NEURL1B: variants seen among roughly 807,000 people sequenced by gnomAD.
NEURL1B encodes E3 ubiquitin-protein ligase NEURL1B.
In NEURL1B, 13 loss-of-function variants were observed where a neutral mutation model predicts 37.4. The ratio of observed to expected loss-of-function variants is 0.35; its 90% CI spans 0.23 to 0.55. NEURL1B has a LOEUF of 0.55. NEURL1B is among the 20% of genes least tolerant of loss of function. NEURL1B has a pLI of 0.89. For synonymous variants in NEURL1B, 432 were observed against 426.6 expected, an observed-to-expected ratio of 1.01 and a Z score of -0.16; for missense variants, 790 against 879.2, an observed-to-expected ratio of 0.90 and a Z score of 1.28.
chr5:172,669,927 G>C lies in NEURL1B; in HGVS notation c.174G>C (p.Arg58=), dbSNP rs777441731. 1 of 1,454,128 alleles carries C rather than the reference G, an allele frequency of 6.9e-7. No homozygotes were observed. Among genetic ancestry groups the C allele is most frequent in the African/African-American group, 1.5e-5 (1 of 66,838 alleles). The allele number at this position is 1,454,128 out of a possible 1,614,324, so 90.1% of individuals were successfully genotyped here. ...KNVRLDGHSR[R]ATRRNSFCNG... is the part of the protein sequence containing the mutation. ...TGCGGCTGGACGGCCACTCGCGCCG[G>C]GCCACACGGCGCAACAGCTTCTGCA... Residue 58 remains arginine (R), a synonymous_variant, in exon 2 of 5, where the codon CGG becomes CGC. Transcript: ENST00000369800.
At chr5:172,674,202 T>A (rs182576398) in intron 2 of NEURL1B, among the ~76,000 whole-genome samples, 8 of 152,180 alleles carry the variant, frequency 5.3e-5, no homozygotes, top group South Asian at 2.1e-4. Context: ...CATCTGGCAA[T>A]CCTTGTCTAA....
chr5:172,662,471 G>A (rs1471157674), intron 1 of NEURL1B, among the ~76,000 whole-genome samples: 2 of 152,226 alleles, frequency 1.3e-5, no homozygotes, highest in Admixed American at 6.5e-5. Context: ...ATGGGGAAGG[G>A]AAGGGAATAG....
chr5:172,683,857 C>T lies in NEURL1B; in HGVS notation c.1016C>T (p.Ala339Val). ...RPGLAAPGAL[A>V]FGITSCDPGV... ...GGGCTGGCGGCGCCCGGCGCGCTGG[C>T]CTTCGGCATCACGTCGTGCGACCCG... is the stretch of plus-strand genomic sequence containing the variant. The change falls in exon 3 of 5, where the codon GCC becomes GTC. Residue 339 changes from alanine (A) to valine (V), a missense_variant. Physicochemically the swap from Ala to Val is moderately conservative, Grantham distance 64 (BLOSUM62 0). Around this residue, in one of 3 missense-constraint regions of NEURL1B, gnomAD observed 460 missense variants for 407.4 expected, o/e 1.13. Coordinates refer to ENST00000369800, the MANE Select transcript of NEURL1B (RefSeq NM_001142651.3). The surrounding 1 kb of genome is among the most constrained non-coding windows in gnomAD (Gnocchi z 5.6). 1 of 1,367,476 alleles carries T rather than the reference C, an allele frequency of 7.3e-7. No individual in the cohort carries two copies. The highest frequency in any genetic ancestry group is 9.5e-7 in the Non-Finnish European group (1 of 1,055,894). The allele number at this position is 1,367,476 out of a possible 1,614,324, so 84.7% of individuals were successfully genotyped here. A position where few individuals can be genotyped will look rare whatever the true frequency, so the allele number is the denominator to read the frequency against.
intron 1 of NEURL1B, chr5:172,656,692 T>C: frequency 6.9e-7 from 1 of 1,457,542 alleles, no homozygotes; most frequent in East Asian, 2.3e-5. Context: ...GGCTTCTTCT[T>C]GCCACCTTCG....
intron 3 of NEURL1B, among the ~76,000 whole-genome samples, chr5:172,685,317 G>GT (rs1009319742): frequency 1.3e-5 from 2 of 152,256 alleles, no homozygotes; most frequent in African/African-American, 4.8e-5. Context: ...TGGTCAGAGT[G>GT]TTTTTTGGGG....
chr5:172,684,115 T>A lies in NEURL1B; in HGVS notation c.1274T>A (p.Val425Asp). Residue 425 changes from valine to aspartate, a missense_variant, in exon 3 of 5, where the codon GTC becomes GAC. This residue lies in a region of NEURL1B where 460 missense variants were observed against 407.4 expected (regional missense o/e 1.13). Coordinates refer to ENST00000369800, the MANE Select transcript of NEURL1B (RefSeq NM_001142651.3). Reference protein sequence around the residue: ...LWAFFAVRGGVAGQLRLLGTL... With the variant: ...LWAFFAVRGGDAGQLRLLGTL... ...GCCTTCTTCGCCGTGCGCGGCGGCG[T>A]CGCGGGCCAGCTGCGTCTCCTCGGT... The A allele has an allele frequency of 7.9e-7, 1 of 1,258,570 alleles. No homozygotes were observed. 78.0% of individuals were successfully genotyped at this position (1,258,570 alleles called of 1,614,324 possible). A position where few individuals can be genotyped will look rare whatever the true frequency, so the allele number is the denominator to read the frequency against.
At chr5:172,655,996 T>TGC in intron 1 of NEURL1B, among the ~76,000 whole-genome samples, 1 of 152,200 alleles carries the variant, frequency 6.6e-6, no homozygotes, top group African/African-American at 2.4e-5. Flanking sequence ...GAAGGGTACA[T>TGC]CCTTACAGAT....
intron 2 of NEURL1B, among the ~76,000 whole-genome samples, chr5:172,671,896 G>T (rs180904627): frequency 6.6e-6 from 1 of 152,388 alleles, no homozygotes; most frequent in East Asian, 1.9e-4. Context: ...CAAGAGCAGG[G>T]TGTTGGATCA....
At chr5:172,685,908 C>G (rs944012053) in intron 3 of NEURL1B, among the ~76,000 whole-genome samples, 1 of 152,192 alleles carries the variant, frequency 6.6e-6, no homozygotes, top group Non-Finnish European at 1.5e-5. Context: ...TGGCCTGGCC[C>G]TTATCCTATG....
intron 2 of NEURL1B, among the ~76,000 whole-genome samples, chr5:172,674,621 A>T (rs1758193619): frequency 6.6e-6 from 1 of 151,976 alleles, no homozygotes; most frequent in Non-Finnish European, 1.5e-5. Context: ...AGGTGTTAGG[A>T]TTTCTTAAGG....
intron 1 of NEURL1B, among the ~76,000 whole-genome samples, chr5:172,648,065 G>A (rs1213587594): frequency 6.6e-6 from 1 of 152,216 alleles, no homozygotes; most frequent in Non-Finnish European, 1.5e-5. Flanking sequence ...CTGCAGGTGA[G>A]AAGTGTCCTG....
intron 1 of NEURL1B, among the ~76,000 whole-genome samples, chr5:172,651,542 G>A (rs1389833236): frequency 6.6e-6 from 1 of 152,162 alleles, no homozygotes; most frequent in East Asian, 1.9e-4. Flanking sequence ...GTGTTGTTTG[G>A]GATGAAGGTG....
chr5:172,683,826 C>A lies in NEURL1B; in HGVS notation c.985C>A (p.Arg329Ser). Residue 329 changes from arginine to serine, a missense_variant, in exon 3 of 5, where the codon CGT becomes AGT. Physicochemically the swap from Arg to Ser is moderately radical, Grantham distance 110. Around this residue, in one of 3 missense-constraint regions of NEURL1B, gnomAD observed 460 missense variants for 407.4 expected, o/e 1.13. Coordinates refer to ENST00000369800, the MANE Select transcript of NEURL1B (RefSeq NM_001142651.3). This position sits in a 1 kb window ranked among gnomAD's most constrained non-coding sequence, Gnocchi z 5.6. ...CGAGAGCCTCTTCGTGGAGGTGGGCCGTCCGGGGCTGGCGGCGCCCGGCGC... is the reference window on the plus strand; with the variant it reads ...CGAGAGCCTCTTCGTGGAGGTGGGCAGTCCGGGGCTGGCGGCGCCCGGCGC... ...PGESLFVEVG[R>S]PGLAAPGALA... 1 of 1,318,548 alleles carries A rather than the reference C, an allele frequency of 7.6e-7. No homozygotes were observed. The highest frequency in any genetic ancestry group is 9.7e-7 in the Non-Finnish European group (1 of 1,031,358). The allele number at this position is 1,318,548 out of a possible 1,614,324, so 81.7% of individuals were successfully genotyped here. A position where few individuals can be genotyped will look rare whatever the true frequency, so the allele number is the denominator to read the frequency against.
intron 1 of NEURL1B, among the ~76,000 whole-genome samples, chr5:172,645,098 G>GTGTGTTGATCCCGCTCTATATCAAGCCCT (rs1561639558): frequency 2.0e-5 from 3 of 152,234 alleles, no homozygotes; most frequent in Non-Finnish European, 2.9e-5. Context: ...AGTGAGGAAA[G>GTGTGTTGATCCCGCTCTATATCAAGCCCT]TGTGTTGATC....
Position 172,657,246 on chromosome 5 carries a change from A to G in NEURL1B, c.32-12539A>G, listed in dbSNP as rs1381771307. On this transcript the variant is annotated intron_variant, in intron 1 of 4. Coordinates refer to ENST00000369800, the MANE Select transcript of NEURL1B (RefSeq NM_001142651.3). This position sits in a 1 kb window ranked among gnomAD's most constrained non-coding sequence, Gnocchi z 4.0. ...GTGAAATGGGCTCACAGGGCTATAG[A>G]GAGGACCAGTGAACCAAGGACTGTC... Among the ~76,000 whole-genome samples, 1 of 152,126 alleles carries G rather than the reference A, an allele frequency of 6.6e-6. No homozygotes were observed. The highest frequency in any genetic ancestry group is 2.4e-5 in the African/African-American group (1 of 41,416).
Position 172,683,111 on chromosome 5 carries a change from G to A in NEURL1B, c.578-308G>A, listed in dbSNP as rs1478940193. On this transcript the variant is annotated intron_variant, in intron 2 of 4. Transcript: ENST00000369800. The surrounding 1 kb of genome is among the most constrained non-coding windows in gnomAD (Gnocchi z 5.6). Reference sequence around the variant, plus strand: ...GGAAAGAGGGAGAGAAGGGGAAAGGGTGGAGAGAAAAGGAGGGATGGAAGA... The same window carrying A: ...GGAAAGAGGGAGAGAAGGGGAAAGGATGGAGAGAAAAGGAGGGATGGAAGA... Among the ~76,000 whole-genome samples the A allele has an allele frequency of 6.6e-6, 1 of 152,200 alleles. No homozygotes were observed. The highest frequency in any genetic ancestry group is 1.5e-5 in the Non-Finnish European group (1 of 68,038).
chr5:172,647,447 C>T lies in NEURL1B; in HGVS notation c.31+6010C>T, dbSNP rs931457353. 2.0e-5 allele frequency among the ~76,000 whole-genome samples: 3 copies of T among 152,096 alleles called. No individual in the cohort carries two copies. The highest frequency in any genetic ancestry group is 4.4e-5 in the Non-Finnish European group (3 of 68,004). On this transcript the variant is annotated intron_variant, in intron 1 of 4. Transcript: ENST00000369800. The surrounding 1 kb of genome is among the most constrained non-coding windows in gnomAD (Gnocchi z 4.2). ...CTGAGGCTCAGAGGGGTAGTGAGAC[C>T]TGCCCGGCCCAGGTGGCCAGGAAGT...
At position 172,656,573 on chromosome 5, in the gene NEURL1B, G is replaced by A. The variant is rs1013422628; in HGVS notation, c.32-13212G>A. ...CTATGGCCAAGAGCCCCTTCCCCGC[G>A]GCCTTCGCTTTTAGCTCCTCGAGTT... On this transcript the variant is annotated intron_variant, in intron 1 of 4. Coordinates refer to ENST00000369800, the MANE Select transcript of NEURL1B (RefSeq NM_001142651.3). 1.8e-5 allele frequency: 29 copies of A among 1,610,904 alleles called. No homozygotes were observed. In the East Asian group the frequency reaches 2.9e-4, roughly 16 times the overall value.
intron 1 of NEURL1B, among the ~76,000 whole-genome samples, chr5:172,643,985 G>T (rs1757515960): frequency 6.6e-6 from 1 of 151,814 alleles, no homozygotes; most frequent in African/African-American, 2.4e-5. Flanking sequence ...GCTTGAACGA[G>T]GGGCCTGCTG....
Sources: gnomAD v4.1 joint callset for allele counts (sites outside exome capture counted in the v4.1 genomes callset) on GRCh38, gnomAD v4.1.1 for gene constraint, gnomAD v4.1.1 regional missense constraint, Gnocchi (gnomAD v3.1) non-coding constraint, MANE v1.5 for transcripts, NCBI Gene and HGNC (gene_info 2026-07-23, HGNC 2026-07-21) for gene names.